Variants in TOX2 observed in about 807,000 individuals in gnomAD.
The protein encoded by TOX2 is granulosa cell HMG box 1.
In TOX2, 15 loss-of-function variants were observed where a neutral mutation model predicts 47.4. The ratio of observed to expected loss-of-function variants is 0.32; its 90% CI spans 0.21 to 0.49. The LOEUF is 0.49. Among genes scored for constraint, TOX2 ranks in the 20% least tolerant of loss-of-function variants. TOX2 has a pLI of 0.99. For synonymous variants in TOX2, 290 were observed against 296.6 expected (o/e 0.98, Z 0.23); for missense variants, 622 against 673.1 (o/e 0.92, Z 0.84).
At chr20:43,943,881 C>T (rs368886629) in intron 1 of TOX2, among the ~76,000 whole-genome samples, 137 of 152,282 alleles carry the variant, frequency 9.0e-4, no homozygotes, top group African/African-American at 3.0e-3. Context: ...AATCCTCTAT[C>T]GATGGACTTT....
chr20:43,932,923 T>A (rs1449359913), intron 1 of TOX2, among the ~76,000 whole-genome samples: 2 of 152,178 alleles, frequency 1.3e-5, no homozygotes. Flanking sequence ...CCGGGGTTGC[T>A]TTTGGGGAAC....
At chr20:44,001,533 G>A (rs1407501977) in intron 2 of TOX2, among the ~76,000 whole-genome samples, 1 of 152,186 alleles carries the variant, frequency 6.6e-6, no homozygotes, top group East Asian at 1.9e-4. Context: ...TGTCATAATT[G>A]TGTGATTCCA....
At chr20:43,919,910 A>G (rs2069095583) in intron 1 of TOX2, among the ~76,000 whole-genome samples, 1 of 152,162 alleles carries the variant, frequency 6.6e-6, no homozygotes, top group South Asian at 2.1e-4. Context: ...CATTCTCTTT[A>G]TCCAGGTTAA....
In TOX2 at chr20:43,914,877, G is replaced by A. The variant is rs1192749798; in HGVS notation, c.-15G>A. On this transcript the variant is annotated 5_prime_UTR_variant, in exon 1 of 9. Coordinates refer to ENST00000341197, the MANE Select transcript of TOX2 (RefSeq NM_001098797.2). This position sits in a 1 kb window ranked among gnomAD's most constrained non-coding sequence, Gnocchi z 4.5. ...ACTGCCCGCGGGAGCCGCCGCCGCC[G>A]CCGCCGCGCCCGCCATGGACGTCCG... 3.0e-6 allele frequency: 3 copies of A among 1,000,490 alleles called. No homozygotes were observed. The highest frequency in any genetic ancestry group is 2.1e-4 in the East Asian group (2 of 9,694). 62.0% of individuals were successfully genotyped at this position (1,000,490 alleles called of 1,614,324 possible).
chr20:44,028,927 T>C (rs2071106455), intron 3 of TOX2, among the ~76,000 whole-genome samples: 1 of 152,128 alleles, frequency 6.6e-6, no homozygotes, highest in African/African-American at 2.4e-5. Context: ...TGACCCTGCC[T>C]TTAGCCTCTT....
At chr20:44,030,307 A>G (rs1236470273) in intron 3 of TOX2, among the ~76,000 whole-genome samples, 4 of 152,108 alleles carry the variant, frequency 2.6e-5, no homozygotes, top group African/African-American at 9.7e-5. Context: ...CTTTCCATCT[A>G]TCTGAGTCTC....
At position 44,066,868 on chromosome 20, in the gene TOX2, G is replaced by A. The variant is rs191671179; in HGVS notation, c.1484+11G>A. ...CATCAGCACCTGCAGGTTAGTCCTC[G>A]CCCGTCCCTGCCTTTGTCCTGCCAG... is the stretch of plus-strand genomic sequence containing the variant. On this transcript the variant is annotated intron_variant, in intron 8 of 8. Transcript: ENST00000341197. 58 of 1,606,720 alleles carry A rather than the reference G, an allele frequency of 3.6e-5. No individual in the cohort carries two copies. Among genetic ancestry groups the A allele is most frequent in the Middle Eastern group, 1.7e-4 (1 of 6,050 alleles).
Position 43,927,652 on chromosome 20 carries a change from T to TC in TOX2, c.99+12665dup, listed in dbSNP as rs1429934966. ...CCTTCCTTCCTTCCTCCCCTTCCCT[T>TC]CCCTTCCCCTTCCTTCCTTCCTTTC... On this transcript the variant is annotated intron_variant, in intron 1 of 8. Transcript: ENST00000341197. Among the ~76,000 whole-genome samples the TC allele has an allele frequency of 9.7e-3, 994 of 102,386 alleles. 113 individuals are homozygous for TC. Among genetic ancestry groups the TC allele is most frequent in the African/African-American group, 0.029 (576 of 19,970 alleles). The allele number at this position is 102,386 out of a possible 152,430, so 67.2% of individuals were successfully genotyped here. A position where few individuals can be genotyped will look rare whatever the true frequency, so the allele number is the denominator to read the frequency against.
At chr20:43,943,157 C>T (rs185549254) in intron 1 of TOX2, among the ~76,000 whole-genome samples, 5 of 152,284 alleles carry the variant, frequency 3.3e-5, no homozygotes, top group East Asian at 1.9e-4. Context: ...CTGGTGCTCT[C>T]GGGGTGCACG....
chr20:44,011,422 G>A (rs1018414695), intron 3 of TOX2, among the ~76,000 whole-genome samples: 3 of 152,168 alleles, frequency 2.0e-5, no homozygotes, highest in African/African-American at 7.2e-5. Flanking sequence ...TTCTCTAATA[G>A]CATCAGTGTG....
chr20:43,935,554 G>A (rs372089876), intron 1 of TOX2, among the ~76,000 whole-genome samples: 6 of 152,114 alleles, frequency 3.9e-5, no homozygotes, highest in African/African-American at 9.7e-5. Flanking sequence ...TGCAAATTAT[G>A]TATTACTATT....
intron 2 of TOX2, among the ~76,000 whole-genome samples, chr20:43,994,711 A>T (rs1444528182): frequency 6.6e-6 from 1 of 152,194 alleles, no homozygotes; most frequent in African/African-American, 2.4e-5. Context: ...ATCACCCAGG[A>T]TGCTGCTGAA....
At chr20:44,018,422 G>T (rs901512199) in intron 3 of TOX2, among the ~76,000 whole-genome samples, 4 of 152,244 alleles carry the variant, frequency 2.6e-5, no homozygotes, top group African/African-American at 9.6e-5. Context: ...AGCGACATTC[G>T]TCAGCTGCAG....
intron 1 of TOX2, among the ~76,000 whole-genome samples, chr20:43,932,691 G>A (rs1471786866): frequency 3.9e-5 from 6 of 152,128 alleles, no homozygotes; most frequent in African/African-American, 7.2e-5. Context: ...ACATCCCCTC[G>A]GAGGGGCTTT....
chr20:44,041,079 C>A (rs1164326580), intron 3 of TOX2, among the ~76,000 whole-genome samples: 2 of 152,132 alleles, frequency 1.3e-5, no homozygotes, highest in African/African-American at 4.8e-5. Context: ...AGGGGCTGAG[C>A]ATGGATGTAG....
At chr20:43,957,298 C>G (rs1311659669) in intron 1 of TOX2, among the ~76,000 whole-genome samples, 2 of 152,170 alleles carry the variant, frequency 1.3e-5, no homozygotes, top group African/African-American at 4.8e-5. Flanking sequence ...CCTCTTGTCC[C>G]CATTCTGTTT....
intron 3 of TOX2, among the ~76,000 whole-genome samples, chr20:44,029,443 A>G (rs6031305): frequency 0.7 from 106,453 of 151,954 alleles, 37,667 homozygotes; most frequent in Middle Eastern, 0.8. Flanking sequence ...CTGGGTTTGG[A>G]TCCTGATCCT....
At chr20:43,993,688 C>T (rs886431709) in intron 2 of TOX2, among the ~76,000 whole-genome samples, 14 of 152,112 alleles carry the variant, frequency 9.2e-5, no homozygotes, top group African/African-American at 2.4e-4. Context: ...TTAAATATTG[C>T]CTGTGGCTAC....
intron 1 of TOX2, among the ~76,000 whole-genome samples, chr20:43,968,694 T>C (rs1231497526): frequency 2.0e-5 from 3 of 152,362 alleles, no homozygotes; most frequent in East Asian, 3.8e-4. Context: ...AAGGCCTGGC[T>C]TTTGCAGAAC....
Sources: gnomAD v4.1 joint callset for allele counts (sites outside exome capture counted in the v4.1 genomes callset) on GRCh38, gnomAD v4.1.1 for gene constraint, Gnocchi (gnomAD v3.1) non-coding constraint, MANE v1.5 for transcripts, NCBI Gene and HGNC (gene_info 2026-07-23, HGNC 2026-07-21) for gene names.